The following PSMG2 variants were observed in gnomAD, a reference collection of about 807,000 sequenced individuals.
PSMG2 encodes the protein CD40 ligand-activated specific transcript 3.
PSMG2 carries 21 observed loss-of-function variants against 31.5 expected under a neutral mutation model. That is an observed-to-expected ratio of 0.67 (90% confidence interval 0.47 to 0.96). The LOEUF (loss-of-function observed/expected upper bound fraction) is 0.96, where lower values mean the gene tolerates loss of function less well. PSMG2 is among the 40% of genes least tolerant of loss of function. PSMG2 has a pLI of 0.00. For missense variants in PSMG2, 318 were observed against 321.2 expected (o/e 0.99, Z 0.08); for synonymous variants, 120 against 110.4 (o/e 1.09, Z -0.54).
Position 12,724,282 on chromosome 18 carries a change from G to T in PSMG2, c.582-217G>T, listed in dbSNP as rs190197277. On this transcript the variant is annotated intron_variant, in intron 5 of 6. Coordinates refer to ENST00000317615, the MANE Select transcript of PSMG2 (RefSeq NM_020232.5). ...GTTTTTCATGCAGCCATGGGGTGAGGCATGATTGTGCGTGTTCCCCAGTGG... is the reference window on the plus strand; with the variant it reads ...GTTTTTCATGCAGCCATGGGGTGAGTCATGATTGTGCGTGTTCCCCAGTGG... 15 of 451,120 alleles carry T rather than the reference G, an allele frequency of 3.3e-5. No homozygotes were observed. In the Admixed American group the frequency reaches 4.6e-4, roughly 14 times the overall value. 27.9% of individuals were successfully genotyped at this position (451,120 alleles called of 1,614,324 possible). A position where few individuals can be genotyped will look rare whatever the true frequency, so the allele number is the denominator to read the frequency against.
At chr18:12,695,329 C>T (rs763067724) in intron 1 of PSMG2, 1 of 1,546,352 alleles carries the variant, frequency 6.5e-7, no homozygotes, top group South Asian at 1.2e-5. Context: ...TTAAAATTCC[C>T]ACAGAAACTT....
chr18:12,703,069 G>T lies in PSMG2; in HGVS notation c.-39G>T, dbSNP rs1174890580. On this transcript the variant is annotated 5_prime_UTR_variant, in exon 1 of 7. It adds an upstream start codon to the 5' untranslated region. Coordinates refer to ENST00000317615, the MANE Select transcript of PSMG2 (RefSeq NM_020232.5). ...CTTCTTGCTGCCCTCGTTCTTGCCA[G>T]GGCCGCGGTTAGTCCCTGCTGGCCA... 6 of 1,603,910 alleles carry T rather than the reference G, an allele frequency of 3.7e-6. No individual in the cohort carries two copies. Among genetic ancestry groups the T allele is most frequent in the Non-Finnish European group, 5.1e-6 (6 of 1,175,600 alleles).
chr18:12,672,085 T>G (rs1215344099), intron 1 of PSMG2, among the ~76,000 whole-genome samples: 1 of 151,104 alleles, frequency 6.6e-6, no homozygotes, highest in African/African-American at 2.4e-5. Flanking sequence ...CCCAAAGTGC[T>G]GGCATTACAG....
upstream of PSMG2, chr18:12,700,146 C>T (rs2040102653): frequency 3.4e-6 from 1 of 296,244 alleles, no homozygotes. Flanking sequence ...GTAATACTAT[C>T]CACATAAAGC....
intron 6 of PSMG2, 121 bp downstream of exon 6, chr18:12,724,740 A>G: frequency 9.2e-7 from 1 of 1,091,550 alleles, no homozygotes; most frequent in African/African-American, 1.6e-5. Context: ...ACATATCTTT[A>G]CATAAAATTT....
intron 1 of PSMG2, among the ~76,000 whole-genome samples, chr18:12,670,080 G>A (rs934158857): frequency 6.7e-5 from 10 of 149,896 alleles, no homozygotes; most frequent in African/African-American, 1.5e-4. Flanking sequence ...CTGTAATCCC[G>A]GCACTTGGGG....
At chr18:12,681,125 G>A (rs1874829466) in intron 1 of PSMG2, among the ~76,000 whole-genome samples, 2 of 151,396 alleles carry the variant, frequency 1.3e-5, no homozygotes, top group Admixed American at 6.6e-5. Context: ...GTGAACTTGG[G>A]AGGCGGAGGT....
chr18:12,683,986 AAT>A (rs977564438), intron 1 of PSMG2, among the ~76,000 whole-genome samples: 5 of 150,370 alleles, frequency 3.3e-5, no homozygotes, highest in Admixed American at 6.7e-5. Context: ...AAAAAATCTA[AAT>A]ATATATATGA....
chr18:12,668,213 T>C (rs1021497032), intron 1 of PSMG2, among the ~76,000 whole-genome samples: 1 of 151,892 alleles, frequency 6.6e-6, no homozygotes, highest in Non-Finnish European at 1.5e-5. Context: ...TGCATTGATC[T>C]GAGATTGCAC....
chr18:12,724,932 A>AGGAATTTTTTTAG (rs1486815405), intron 6 of PSMG2: 6 of 368,656 alleles, frequency 1.6e-5, no homozygotes, highest in Admixed American at 9.0e-5. Context: ...TGTGGAATTC[A>AGGAATTTTTTTAG]GGAATTTTTT....
chr18:12,724,395 C>T (rs1330080376), intron 5 of PSMG2, 104 bp from the exon 6 acceptor site: 3 of 1,221,402 alleles, frequency 2.5e-6, no homozygotes, highest in African/African-American at 3.2e-5. Context: ...GCGTCTTTTC[C>T]TTTCCTAAAC....
At chr18:12,695,267 ACTT>A in intron 1 of PSMG2, 1 of 1,503,328 alleles carries the variant, frequency 6.7e-7, no homozygotes, top group Non-Finnish European at 9.2e-7. Context: ...TGTGTTCACT[ACTT>A]CTTGAGATAA....
Position 12,725,683 on chromosome 18 carries a change from T to G in PSMG2, c.*152T>G. The G allele has an allele frequency of 2.1e-6, 1 of 476,980 alleles. No individual in the cohort carries two copies. The highest frequency in any genetic ancestry group is 4.8e-5 in the South Asian group (1 of 20,832). The allele number at this position is 476,980 out of a possible 1,614,324, so 29.5% of individuals were successfully genotyped here. ...AAGATTAAGGGTCTCTTTGCCATGC[T>G]TTTCATCATATGCACCAAATGTAAA... On this transcript the variant is annotated 3_prime_UTR_variant, in exon 7 of 7. Coordinates refer to ENST00000317615, the MANE Select transcript of PSMG2 (RefSeq NM_020232.5).
chr18:12,705,566 A>AGTGTGTGT (rs1380856845), intron 1 of PSMG2, among the ~76,000 whole-genome samples: 40 of 128,554 alleles, frequency 3.1e-4, no homozygotes, highest in African/African-American at 8.5e-4. Flanking sequence ...AGAGAGAGAG[A>AGTGTGTGT]GAGAGAGAGA....
At chr18:12,675,687 G>A (rs953885831) in intron 1 of PSMG2, among the ~76,000 whole-genome samples, 3 of 151,416 alleles carry the variant, frequency 2.0e-5, no homozygotes, top group Non-Finnish European at 4.4e-5. Flanking sequence ...TAAATTTTTT[G>A]AGACAGAGTC....
intron 1 of PSMG2, among the ~76,000 whole-genome samples, chr18:12,676,426 C>T (rs1049711270): frequency 4.0e-5 from 6 of 151,424 alleles, no homozygotes; most frequent in Non-Finnish European, 7.4e-5. Context: ...AGGCATGCAC[C>T]ACCACACCCG....
rs774703194 is a variant in PSMG2 at position 12,703,075 on chromosome 18, C to T, written c.-33C>T. On this transcript the variant is annotated 5_prime_UTR_variant, in exon 1 of 7. Transcript: ENST00000317615. ...GCTGCCCTCGTTCTTGCCAGGGCCG[C>T]GGTTAGTCCCTGCTGGCCACCCCAC... 3 of 1,606,786 alleles carry T rather than the reference C, an allele frequency of 1.9e-6. No homozygotes were observed. Among genetic ancestry groups the T allele is most frequent in the Non-Finnish European group, 1.7e-6 (2 of 1,177,072 alleles).
chr18:12,720,752 A>G (rs2040423215), intron 5 of PSMG2, 69 bp downstream of exon 5: 2 of 1,460,628 alleles, frequency 1.4e-6, no homozygotes, highest in Middle Eastern at 1.8e-4. Flanking sequence ...GTGAGCTGAG[A>G]TCGTGCCACT....
intron 4 of PSMG2, 92 bp downstream of exon 4, chr18:12,718,727 T>C (rs2040401646): frequency 1.2e-6 from 1 of 864,592 alleles, no homozygotes; most frequent in Non-Finnish European, 1.7e-6. Context: ...GCCACGTAGA[T>C]CCTTACCTCT....
Sources: allele counts gnomAD v4.1 joint callset (sites outside exome capture counted in the v4.1 genomes callset), GRCh38; gene constraint gnomAD v4.1.1; transcripts MANE v1.5; gene names NCBI Gene and HGNC (gene_info 2026-07-23, HGNC 2026-07-21).